The following SLC13A3 variants were observed in gnomAD, a reference collection of about 807,000 sequenced individuals.
The protein encoded by SLC13A3 is solute carrier family 13 member 3.
In SLC13A3, 40 loss-of-function variants were observed where a neutral mutation model predicts 59.0. That is an observed-to-expected ratio of 0.68 (90% CI 0.53 to 0.88). SLC13A3 has a LOEUF of 0.88. Ranked by LOEUF, SLC13A3 falls within the 40% of genes least tolerant of loss-of-function variation. SLC13A3 has a pLI of 0.00. For synonymous variants in SLC13A3, 317 were observed against 330.3 expected, an observed-to-expected ratio of 0.96 and a Z score of 0.44; for missense variants, 699 against 783.2, an observed-to-expected ratio of 0.89 and a Z score of 1.28.
chr20:46,605,759 G>A (rs1004851990), intron 3 of SLC13A3, among the ~76,000 whole-genome samples: 3 of 152,124 alleles, frequency 2.0e-5, no homozygotes, highest in African/African-American at 4.8e-5. Flanking sequence ...CAGGTCTGAC[G>A]TGAAACTGAT....
At chr20:46,649,456 GA>G (rs2062931528) in intron 1 of SLC13A3, among the ~76,000 whole-genome samples, 1 of 152,200 alleles carries the variant, frequency 6.6e-6, no homozygotes, top group South Asian at 2.1e-4. Context: ...GTTCTTGCTA[GA>G]GAACAGAGCA....
chr20:46,679,468 G>A (rs897457495), intron 1 of SLC13A3, among the ~76,000 whole-genome samples: 3 of 152,158 alleles, frequency 2.0e-5, no homozygotes, highest in South Asian at 2.1e-4. Context: ...ACAAAAATTC[G>A]CCGGGCGTGG....
chr20:46,651,790 C>T (rs2062954233), upstream of SLC13A3, among the ~76,000 whole-genome samples: 1 of 152,242 alleles, frequency 6.6e-6, no homozygotes, highest in African/African-American at 2.4e-5. Flanking sequence ...ACTCCTATTA[C>T]CCGGGTTCAA....
chr20:46,651,456 G>T lies in SLC13A3; in HGVS notation c.-35C>A. ...CGCCTGGCGGTACGGGCCGGCCCGG[G>T]ACTGCCCCGCCTGGCCCCGGCGCCG... On this transcript the variant is annotated 5_prime_UTR_variant, in exon 1 of 13. Coordinates refer to ENST00000279027, the MANE Select transcript of SLC13A3 (RefSeq NM_022829.6). 7.1e-7 allele frequency: 1 copy of T among 1,401,182 alleles called. No individual in the cohort carries two copies. The highest frequency in any genetic ancestry group is 1.6e-5 in the South Asian group (1 of 62,422). The allele number at this position is 1,401,182 out of a possible 1,614,324, so 86.8% of individuals were successfully genotyped here. A position where few individuals can be genotyped will look rare whatever the true frequency, so the allele number is the denominator to read the frequency against.
chr20:46,576,095 G>A (rs1488575356), intron 9 of SLC13A3, among the ~76,000 whole-genome samples: 3 of 152,076 alleles, frequency 2.0e-5, no homozygotes, highest in South Asian at 2.1e-4. Flanking sequence ...TTTGAGCCCC[G>A]AAATGATGGG....
upstream of SLC13A3, among the ~76,000 whole-genome samples, chr20:46,673,077 A>T (rs1170361169): frequency 1.3e-5 from 2 of 152,170 alleles, no homozygotes; most frequent in African/African-American, 4.8e-5. Flanking sequence ...TGGTGGGCTC[A>T]TATCACCCCT....
chr20:46,575,650 T>A lies in SLC13A3; in HGVS notation c.1255A>T (p.Lys419Ter). The A allele has an allele frequency of 6.2e-7, 1 of 1,603,518 alleles. No homozygotes were observed. The highest frequency in any genetic ancestry group is 1.1e-5 in the South Asian group (1 of 88,392). Residue 419 changes from lysine to a stop codon, truncating the protein, a stop_gained, in exon 10 of 13, where the codon AAG becomes TAG. Transcript: ENST00000279027. LOFTEE classifies it high-confidence loss of function. ...CAGGGCACTGTCTCCTGGGCCTTCT[T>A]CCAGGTCAGCAAGGGCTCTGTCTCT... ...NTETEPLLTW[K>*]KAQETVPWNI...
At chr20:46,600,298 A>AGGAAAGGGAGG (rs745664694) in intron 3 of SLC13A3, among the ~76,000 whole-genome samples, 1 of 97,430 alleles carries the variant, frequency 1.0e-5, no homozygotes, top group Non-Finnish European at 2.0e-5. Context: ...AGGGAAAGAA[A>AGGAAAGGGAGG]GAAAGAAAGA....
intron 3 of SLC13A3, among the ~76,000 whole-genome samples, chr20:46,607,140 G>C (rs1450424998): frequency 6.6e-6 from 1 of 152,218 alleles, no homozygotes; most frequent in Non-Finnish European, 1.5e-5. Context: ...CTGAGCCTCA[G>C]TTTCCTCATC....
intron 12 of SLC13A3, among the ~76,000 whole-genome samples, chr20:46,562,359 A>C (rs2061938785): frequency 6.6e-6 from 1 of 151,832 alleles, no homozygotes; most frequent in Admixed American, 6.6e-5. Flanking sequence ...ACTCGCTGCT[A>C]TTCCTCTCTT....
At chr20:46,600,324 A>AAGGAAAGGAAGG (rs61169434) in intron 3 of SLC13A3, among the ~76,000 whole-genome samples, 6 of 83,804 alleles carry the variant, frequency 7.2e-5, no homozygotes, top group African/African-American at 1.3e-4. Context: ...GGAAGGAAGG[A>AAGGAAAGGAAGG]AAGGAAGGAA....
chr20:46,651,282 C>G, intron 1 of SLC13A3, 29 bp downstream of exon 1: 3 of 1,460,990 alleles, frequency 2.1e-6, no homozygotes, highest in Non-Finnish European at 1.8e-6. Flanking sequence ...TGTGGTTGAC[C>G]GGGGGCGCAC....
intron 1 of SLC13A3, among the ~76,000 whole-genome samples, chr20:46,664,141 T>C (rs1279647015): frequency 6.6e-6 from 1 of 152,208 alleles, no homozygotes; most frequent in Non-Finnish European, 1.5e-5. Flanking sequence ...TTTCATTGTC[T>C]AGGGTGTGGC....
rs903484070 is a variant in SLC13A3, at chr20:46,558,220, G to A, written c.*1802C>T. The A allele has an allele frequency of 3.9e-5, 6 of 152,136 alleles. No individual in the cohort carries two copies. The highest frequency in any genetic ancestry group is 1.9e-4 in the East Asian group (1 of 5,188). 9.4% of individuals were successfully genotyped at this position (152,136 alleles called of 1,614,324 possible). ...AGCAGGGACTTGAATAAAGTGAGTC[G>A]GGGAACCAGACATATACTTGGGAGA... On this transcript the variant is annotated 3_prime_UTR_variant, in exon 13 of 13. Transcript: ENST00000279027.
In SLC13A3 at chr20:46,626,109, CTCTCTCTCTCTCTG is replaced by C. The variant is rs1207458724; in HGVS notation, c.112-12398_112-12385del. Among the ~76,000 whole-genome samples, 1,333 of 150,880 alleles carry C rather than the reference CTCTCTCTCTCTCTG, an allele frequency of 8.8e-3. 15 individuals are homozygous for C. The highest frequency in any genetic ancestry group is 0.031 in the African/African-American group (1,258 of 40,632). On this transcript the variant is annotated intron_variant, in intron 1 of 12. Transcript: ENST00000279027. The stretch of plus-strand genomic sequence containing the variant: ...TGTCAAAGCTGTATTCTCTCTCTCT[CTCTCTCTCTCTCTG>C]TCTCTCTCTCTCTCTGTCTCTCTGT...
intron 7 of SLC13A3, 110 bp from the exon 8 acceptor site, chr20:46,588,273 T>A (rs1229685553): frequency 1.6e-6 from 1 of 612,874 alleles, no homozygotes; most frequent in African/African-American, 1.9e-5. Context: ...GGGCTCTGCC[T>A]CTGAGAAAGC....
Position 46,592,497 on chromosome 20 carries a change from C to A in SLC13A3, c.827G>T (p.Gly276Val). ...FFPQCDVVNFGSWFIFAFPLM... is the reference protein window; with the variant it reads ...FFPQCDVVNFVSWFIFAFPLM... ...AGGGAAGGCGAAAATGAACCAGGAGCCGAAATTCACCACGTCACACTGCGG... is the reference window on the plus strand; with the variant it reads ...AGGGAAGGCGAAAATGAACCAGGAGACGAAATTCACCACGTCACACTGCGG... The change falls in exon 6 of 13, where the codon GGC becomes GTC. Residue 276 changes from glycine (G) to valine (V), a missense_variant. By Grantham distance (109) the Gly-to-Val change is moderately radical. Coordinates refer to ENST00000279027, the MANE Select transcript of SLC13A3 (RefSeq NM_022829.6). 1.9e-6 allele frequency: 3 copies of A among 1,613,776 alleles called. No individual in the cohort carries two copies. The highest frequency in any genetic ancestry group is 2.5e-6 in the Non-Finnish European group (3 of 1,179,834).
intron 8 of SLC13A3, chr20:46,584,014 C>A: frequency 9.1e-6 from 9 of 985,250 alleles, no homozygotes; most frequent in Non-Finnish European, 1.1e-5. Context: ...ACCGGGACTC[C>A]TGTAAGAGCC....
chr20:46,683,852 C>G (rs905155729), intron 1 of SLC13A3, among the ~76,000 whole-genome samples: 1 of 152,238 alleles, frequency 6.6e-6, no homozygotes, highest in Admixed American at 6.5e-5. Context: ...CAGCTTCCAC[C>G]CTGGCTACTG....
Sources: gnomAD v4.1 joint callset for allele counts (sites outside exome capture counted in the v4.1 genomes callset) on GRCh38, gnomAD v4.1.1 for gene constraint, MANE v1.5 for transcripts, NCBI Gene and HGNC (gene_info 2026-07-23, HGNC 2026-07-21) for gene names.